Variants in SUCLA2 observed in about 807,000 individuals in gnomAD.
SUCLA2 encodes succinate-CoA ligase ADP-forming subunit beta.
Under a neutral mutation model 54.8 loss-of-function variants are expected in SUCLA2, and 30 were observed. The ratio of observed to expected loss-of-function variants is 0.55; its 90% confidence interval spans 0.41 to 0.74. The LOEUF (loss-of-function observed/expected upper bound fraction) is 0.74. Among genes scored for constraint, SUCLA2 ranks in the 30% least tolerant of loss-of-function variants. The pLI is 0.00. For missense variants in SUCLA2, 476 were observed against 562.9 expected, an observed-to-expected ratio of 0.85 and a Z score of 1.56; for synonymous variants, 172 against 188.9, an observed-to-expected ratio of 0.91 and a Z score of 0.74.
At chr13:47,947,630 C>G (rs552415677) in intron 10 of SUCLA2, among the ~76,000 whole-genome samples, 2 of 152,166 alleles carry the variant, frequency 1.3e-5, no homozygotes, top group Non-Finnish European at 2.9e-5. Flanking sequence ...ACATTGTATA[C>G]GTTTTGATGA....
chr13:47,954,081 T>C, intron 8 of SUCLA2, 59 bp downstream of exon 8: 1 of 1,274,380 alleles, frequency 7.8e-7, no homozygotes, highest in East Asian at 2.9e-5. Context: ...TATACATTTT[T>C]ATAAGTATTT....
chr13:47,980,155 G>A (rs190221784), intron 4 of SUCLA2, among the ~76,000 whole-genome samples: 7 of 152,258 alleles, frequency 4.6e-5, no homozygotes, highest in East Asian at 1.9e-4. Flanking sequence ...GGTGGCTCAC[G>A]CCTGTAATCC....
chr13:48,000,591 A>T (rs1373908511), intron 1 of SUCLA2, among the ~76,000 whole-genome samples: 3 of 152,230 alleles, frequency 2.0e-5, no homozygotes, highest in Non-Finnish European at 4.4e-5. Context: ...AGGCTATACA[A>T]AAGATTATTT....
chr13:47,965,972 C>A lies in SUCLA2; in HGVS notation c.802+2623G>T, dbSNP rs185298124. Among the ~76,000 whole-genome samples, 70 of 152,214 alleles carry A rather than the reference C, an allele frequency of 4.6e-4. No individual in the cohort carries two copies. The East Asian group carries it at 8.5e-3, about 19-fold the overall frequency. On this transcript the variant is annotated intron_variant, in intron 6 of 10. Coordinates refer to ENST00000646932, the MANE Select transcript of SUCLA2 (RefSeq NM_003850.3). ...CTGAGGCAGAAGAATGGTGAGAACCCGGGAGGTGGAGCTTGCAGTCAGCCG... is the reference window on the plus strand; with the variant it reads ...CTGAGGCAGAAGAATGGTGAGAACCAGGGAGGTGGAGCTTGCAGTCAGCCG...
intron 4 of SUCLA2, among the ~76,000 whole-genome samples, chr13:47,979,751 G>A (rs9562792): frequency 0.94 from 142,467 of 152,266 alleles, 66,680 homozygotes; most frequent in East Asian, 1. Flanking sequence ...TGCCGCTTCT[G>A]TTCAACACAG....
intron 5 of SUCLA2, among the ~76,000 whole-genome samples, chr13:47,970,803 T>C (rs1407450511): frequency 6.6e-6 from 1 of 152,118 alleles, no homozygotes; most frequent in African/African-American, 2.4e-5. Flanking sequence ...GAGGTTTCAG[T>C]GAGCCAAGAT....
chr13:47,954,371 A>T, intron 7 of SUCLA2, 25 bp downstream of exon 7: 1 of 1,613,936 alleles, frequency 6.2e-7, no homozygotes, highest in East Asian at 2.2e-5. Flanking sequence ...AGTGAATCCA[A>T]TTCTAACATA....
At position 48,001,150 on chromosome 13, in the gene SUCLA2, T is replaced by C. The variant is rs569840022; in HGVS notation, c.90+30A>G. ...ACCTCACCCTTTCTCCTGCCGACCC[T>C]CGAGACGACAGCGGACTGGAAGGCA... On this transcript the variant is annotated intron_variant, in intron 1 of 10. Transcript: ENST00000646932. The C allele has an allele frequency of 1.8e-4, 294 of 1,591,808 alleles. 1 individual carries two copies. The South Asian group carries it at 3.2e-3, about 17-fold the overall frequency.
At chr13:47,971,520 A>T (rs1357396693) in intron 5 of SUCLA2, 3 of 219,810 alleles carry the variant, frequency 1.4e-5, no homozygotes, top group Non-Finnish European at 2.7e-5. Flanking sequence ...CAACTCTCAC[A>T]GGCCTTAATA....
chr13:47,956,863 G>A (rs1394548407), intron 6 of SUCLA2: 4 of 152,188 alleles, frequency 2.6e-5, no homozygotes, highest in Non-Finnish European at 5.9e-5. Context: ...TAGTGCCAAT[G>A]TTGGTAAATC....
At chr13:47,995,587 T>A (rs117740529) in intron 2 of SUCLA2, among the ~76,000 whole-genome samples, 4,301 of 152,280 alleles carry the variant, frequency 0.028, 93 homozygotes, top group South Asian at 0.082. Flanking sequence ...ACAAGATGAA[T>A]ACTTTTAAAA....
At chr13:47,999,364 C>T (rs555178377) in intron 1 of SUCLA2, among the ~76,000 whole-genome samples, 18 of 152,232 alleles carry the variant, frequency 1.2e-4, no homozygotes, top group Non-Finnish European at 4.4e-5. Flanking sequence ...CGAAGGTACA[C>T]TAGGCTAAAG....
At chr13:47,977,570 T>C (rs1000303569) in intron 4 of SUCLA2, among the ~76,000 whole-genome samples, 1 of 152,156 alleles carries the variant, frequency 6.6e-6, no homozygotes, top group African/African-American at 2.4e-5. Context: ...AAAGGGACTT[T>C]ACATCATGAT....
chr13:47,967,686 C>G (rs1311482619), intron 6 of SUCLA2, among the ~76,000 whole-genome samples: 2 of 151,364 alleles, frequency 1.3e-5, no homozygotes, highest in Non-Finnish European at 2.9e-5. Flanking sequence ...ACTAAAAACA[C>G]AAAAAAAATT....
At chr13:47,963,059 GTCA>G (rs1488111926) in intron 6 of SUCLA2, among the ~76,000 whole-genome samples, 3 of 151,976 alleles carry the variant, frequency 2.0e-5, no homozygotes, top group Admixed American at 6.6e-5. Flanking sequence ...GTTTTAGTCA[GTCA>G]GGGAGATAGA....
At chr13:47,992,610 T>C (rs964590418) in intron 2 of SUCLA2, among the ~76,000 whole-genome samples, 1 of 152,168 alleles carries the variant, frequency 6.6e-6, no homozygotes, top group Non-Finnish European at 1.5e-5. Context: ...GAACCTGCAG[T>C]CTTATTACAT....
At chr13:47,989,036 AG>A (rs1950129423) in intron 2 of SUCLA2, 55 bp from the exon 3 acceptor site, 1 of 1,524,096 alleles carries the variant, frequency 6.6e-7, no homozygotes, top group East Asian at 2.3e-5. Flanking sequence ...TGCCAGACAT[AG>A]TATTTTGTTA....
intron 2 of SUCLA2, among the ~76,000 whole-genome samples, chr13:47,994,104 T>C (rs560189260): frequency 6.6e-6 from 1 of 151,380 alleles, no homozygotes; most frequent in Non-Finnish European, 1.5e-5. Context: ...TAGCATTTTA[T>C]GAATTTTGCA....
chr13:47,972,748 C>CTTT lies in SUCLA2; in HGVS notation c.663+513_663+515dup, dbSNP rs1204256460. On this transcript the variant is annotated intron_variant, in intron 5 of 10. Coordinates refer to ENST00000646932, the MANE Select transcript of SUCLA2 (RefSeq NM_003850.3). The stretch of plus-strand genomic sequence containing the variant: ...TAGATAGGGTAATGGTATAGTGACT[C>CTTT]TTTTTTTTTTTTTTTTTTGAGATGA... Among the ~76,000 whole-genome samples, 44 of 118,672 alleles carry CTTT rather than the reference C, an allele frequency of 3.7e-4. 1 individual carries two copies. Among genetic ancestry groups the CTTT allele is most frequent in the South Asian group, 8.6e-4 (3 of 3,470 alleles). The allele number at this position is 118,672 out of a possible 152,430, so 77.9% of individuals were successfully genotyped here.
Sources: gnomAD v4.1 joint callset for allele counts (sites outside exome capture counted in the v4.1 genomes callset) on GRCh38, gnomAD v4.1.1 for gene constraint, MANE v1.5 for transcripts, NCBI Gene and HGNC (gene_info 2026-07-23, HGNC 2026-07-21) for gene names.